The following MS4A4E variants were observed in gnomAD, a reference collection of about 807,000 sequenced individuals.
MS4A4E encodes the protein membrane spanning 4-domains A4E.
Under a neutral mutation model 13.3 loss-of-function variants are expected in MS4A4E, and 23 were observed. The ratio of observed to expected loss-of-function variants is 1.73; its 90% CI spans 1.25 to 2.45. The LOEUF (loss-of-function observed/expected upper bound fraction) is 2.45, where lower values mean the gene tolerates loss of function less well. MS4A4E is among the 30% of genes most tolerant of loss of function. The pLI is 0.00. For synonymous variants in MS4A4E, 36 were observed against 45.6 expected (o/e 0.79, Z 0.85); for missense variants, 144 against 131.2 (o/e 1.10, Z -0.48).
intron 3 of MS4A4E, among the ~76,000 whole-genome samples, chr11:60,228,144 A>G (rs1414576751): frequency 6.6e-6 from 1 of 152,228 alleles, no homozygotes; most frequent in Non-Finnish European, 1.5e-5. Context: ...AGACACTGTC[A>G]GAAGAAAAGA....
In MS4A4E at chr11:60,200,334, A is replaced by G. The variant is rs28628869; in HGVS notation, c.*1209T>C. On this transcript the variant is annotated 3_prime_UTR_variant, in exon 9 of 9. Transcript: ENST00000651255. ...TATTGACCATTCTTGGGTGTTTCTC[A>G]CAGAGGGGGATTTGGCAGGGTCATA... Among the ~76,000 whole-genome samples the G allele has an allele frequency of 0.3, 45,040 of 151,162 alleles. 7,970 individuals carry two copies. The highest frequency in any genetic ancestry group is 0.49 in the South Asian group (2,347 of 4,772).
chr11:60,212,081 AT>A (rs759967117), intron 5 of MS4A4E, among the ~76,000 whole-genome samples: 7 of 152,206 alleles, frequency 4.6e-5, no homozygotes, highest in Non-Finnish European at 7.3e-5. Context: ...GTAAGTGGTA[AT>A]TTTCAGAATA....
chr11:60,234,878 A>C (rs962128882), intron 1 of MS4A4E, among the ~76,000 whole-genome samples: 6 of 130,738 alleles, frequency 4.6e-5, no homozygotes, highest in Non-Finnish European at 8.8e-5. Flanking sequence ...AGAGTGGCTG[A>C]ATTTAAAAAA....
At chr11:60,214,125 CA>C (rs2084160559) in intron 4 of MS4A4E, among the ~76,000 whole-genome samples, 1 of 152,116 alleles carries the variant, frequency 6.6e-6, no homozygotes, top group Non-Finnish European at 1.5e-5. Flanking sequence ...AGGCTGGTTG[CA>C]AACTCCTGAC....
intron 5 of MS4A4E, among the ~76,000 whole-genome samples, chr11:60,212,018 AC>A (rs541727867): frequency 4.6e-5 from 7 of 152,300 alleles, no homozygotes; most frequent in Admixed American, 3.3e-4. Context: ...CTTCCCCCAC[AC>A]TTACCCAATG....
intron 3 of MS4A4E, among the ~76,000 whole-genome samples, chr11:60,219,655 C>T (rs527634257): frequency 1.3e-5 from 2 of 152,270 alleles, no homozygotes; most frequent in African/African-American, 4.8e-5. Flanking sequence ...AAGAAGGATC[C>T]CACTATACTA....
chr11:60,208,487 T>A, intron 6 of MS4A4E, 106 bp downstream of exon 6: 1 of 339,284 alleles, frequency 2.9e-6, no homozygotes, highest in South Asian at 1.2e-4. Flanking sequence ...CCATGGAAAC[T>A]GAAATATAAT....
chr11:60,233,426 G>A (rs923986708), intron 1 of MS4A4E, among the ~76,000 whole-genome samples: 9 of 152,228 alleles, frequency 5.9e-5, no homozygotes, highest in African/African-American at 9.6e-5. Flanking sequence ...CCTGCTCCAT[G>A]GGCTTGAGTT....
At chr11:60,222,196 CACTT>C (rs1459878724) in intron 3 of MS4A4E, among the ~76,000 whole-genome samples, 1 of 152,204 alleles carries the variant, frequency 6.6e-6, no homozygotes, top group African/African-American at 2.4e-5. Context: ...CCAGAATAGA[CACTT>C]ACTTTGGATA....
chr11:60,231,923 T>TATGGATA (rs1300543424), intron 1 of MS4A4E, among the ~76,000 whole-genome samples: 1 of 151,700 alleles, frequency 6.6e-6, no homozygotes, highest in Non-Finnish European at 1.5e-5. Context: ...ATGTAAAAAG[T>TATGGATA]ATGGATAATT....
At chr11:60,242,031 G>C (rs2084558738) in intron 1 of MS4A4E, among the ~76,000 whole-genome samples, 1 of 152,150 alleles carries the variant, frequency 6.6e-6, no homozygotes, top group Non-Finnish European at 1.5e-5. Flanking sequence ...AGCATGAGGA[G>C]AGTGGTATAC....
chr11:60,201,453 CG>C lies in MS4A4E; in HGVS notation c.*89del. The C allele has an allele frequency of 4.6e-6, 1 of 218,346 alleles. No homozygotes were observed. Among genetic ancestry groups the C allele is most frequent in the Non-Finnish European group, 9.4e-6 (1 of 106,662 alleles). 13.5% of individuals were successfully genotyped at this position (218,346 alleles called of 1,614,324 possible). A position where few individuals can be genotyped will look rare whatever the true frequency, so the allele number is the denominator to read the frequency against. On this transcript the variant is annotated 3_prime_UTR_variant, in exon 9 of 9. Transcript: ENST00000651255. ...CTCAGATGGGGCGGCTGGGCAGAGA[CG>C]CTCCTCACCTCCCAGACGGGGTCGC...
chr11:60,204,047 G>C (rs759564953), intron 8 of MS4A4E, among the ~76,000 whole-genome samples: 40 of 152,162 alleles, frequency 2.6e-4, no homozygotes, highest in Non-Finnish European at 5.3e-4. Context: ...ACCTTAAAAA[G>C]TTTATGTATG....
At chr11:60,218,581 A>C (rs2084226704) in intron 3 of MS4A4E, among the ~76,000 whole-genome samples, 1 of 152,112 alleles carries the variant, frequency 6.6e-6, no homozygotes, top group Admixed American at 6.5e-5. Context: ...GAAAACAGAA[A>C]AGAACCTACG....
chr11:60,219,315 A>T (rs1338870108), intron 3 of MS4A4E, among the ~76,000 whole-genome samples: 1 of 152,216 alleles, frequency 6.6e-6, no homozygotes, highest in East Asian at 1.9e-4. Flanking sequence ...TAGAGACAGC[A>T]GGGGCCAAAT....
chr11:60,213,296 T>A (rs969802661), intron 4 of MS4A4E, 164 bp from the exon 5 acceptor site: 2 of 1,535,294 alleles, frequency 1.3e-6, no homozygotes, highest in African/African-American at 1.4e-5. Flanking sequence ...ACAAATATGA[T>A]CCCATTATTC....
chr11:60,207,164 C>T (rs2084058421), intron 6 of MS4A4E, among the ~76,000 whole-genome samples: 1 of 152,148 alleles, frequency 6.6e-6, no homozygotes, highest in Admixed American at 6.6e-5. Flanking sequence ...GGGATCATCA[C>T]AAAACTAAGA....
chr11:60,219,677 T>G (rs997186625), intron 3 of MS4A4E, among the ~76,000 whole-genome samples: 1 of 152,180 alleles, frequency 6.6e-6, no homozygotes, highest in African/African-American at 2.4e-5. Context: ...TGACAATTTA[T>G]GTTGTTAATC....
At chr11:60,241,304 G>T (rs150786089) in intron 1 of MS4A4E, among the ~76,000 whole-genome samples, 1 of 152,310 alleles carries the variant, frequency 6.6e-6, no homozygotes, top group Admixed American at 6.5e-5. Context: ...AATTACAGGC[G>T]TGAGCCACCG....
Sources: gnomAD v4.1 joint callset for allele counts (sites outside exome capture counted in the v4.1 genomes callset) on GRCh38, gnomAD v4.1.1 for gene constraint, MANE v1.5 for transcripts, NCBI Gene and HGNC (gene_info 2026-07-23, HGNC 2026-07-21) for gene names.